The following SDCCAG8 variants were observed in gnomAD, a reference collection of about 807,000 sequenced individuals.
The protein encoded by SDCCAG8 is SHH signaling and ciliogenesis regulator SDCCAG8, also known as serologically defined colon cancer antigen 8.
A neutral mutation model predicts 101.8 loss-of-function variants in SDCCAG8; 74 were observed. That is an observed-to-expected ratio of 0.73 (90% CI 0.60 to 0.88). The LOEUF (loss-of-function observed/expected upper bound fraction) is 0.88, where lower values mean the gene tolerates loss of function less well. SDCCAG8 is among the 40% of genes least tolerant of loss of function. SDCCAG8 has a pLI of 0.00. For missense variants in SDCCAG8, 787 were observed against 822.6 expected, an observed-to-expected ratio of 0.96 and a Z score of 0.53; for synonymous variants, 281 against 292.9, an observed-to-expected ratio of 0.96 and a Z score of 0.41.
chr1:243,320,173 T>C (rs1456742543), intron 9 of SDCCAG8, among the ~76,000 whole-genome samples: 1 of 152,212 alleles, frequency 6.6e-6, no homozygotes, highest in Non-Finnish European at 1.5e-5. Context: ...CCCTAACTTT[T>C]AACCAGTCAC....
At chr1:243,367,783 G>A (rs1331676877) in intron 12 of SDCCAG8, among the ~76,000 whole-genome samples, 1 of 149,376 alleles carries the variant, frequency 6.7e-6, no homozygotes, top group Non-Finnish European at 1.5e-5. Flanking sequence ...TAAAATAGAT[G>A]TATATATCTA....
At chr1:243,371,946 G>A (rs752484879) in intron 12 of SDCCAG8, among the ~76,000 whole-genome samples, 1 of 152,016 alleles carries the variant, frequency 6.6e-6, no homozygotes. Flanking sequence ...AATTTAAATA[G>A]CCAAAGCAAG....
intron 16 of SDCCAG8, among the ~76,000 whole-genome samples, chr1:243,461,352 G>A (rs1318486376): frequency 5.3e-5 from 8 of 152,198 alleles, no homozygotes; most frequent in Admixed American, 5.2e-4. Flanking sequence ...AGTACATTGG[G>A]TCACTCTGAC....
intron 12 of SDCCAG8, among the ~76,000 whole-genome samples, chr1:243,352,186 G>T (rs2076120311): frequency 2.0e-5 from 3 of 152,086 alleles, no homozygotes. Flanking sequence ...TCTGAAAATA[G>T]CAATTTAGGT....
chr1:243,334,398 T>C (rs1354508243), intron 10 of SDCCAG8, among the ~76,000 whole-genome samples: 1 of 152,168 alleles, frequency 6.6e-6, no homozygotes, highest in African/African-American at 2.4e-5. Context: ...TCTCTTTGGC[T>C]CTCCGGTCTT....
chr1:243,478,603 A>G lies in SDCCAG8; in HGVS notation c.1986-10411A>G, dbSNP rs571903023. Among the ~76,000 whole-genome samples the G allele has an allele frequency of 1.7e-4, 26 of 152,294 alleles. No homozygotes were observed. The South Asian group carries it at 5.0e-3, about 29-fold the overall frequency. On this transcript the variant is annotated intron_variant, in intron 16 of 17. Transcript: ENST00000366541. ...CCTCCCCACTGCACGATCCTCAGGAAGAATTCCTTTATTGAAACCATTATT... is the reference window on the plus strand; with the variant it reads ...CCTCCCCACTGCACGATCCTCAGGAGGAATTCCTTTATTGAAACCATTATT...
At chr1:243,387,349 A>C (rs2078374937) in intron 13 of SDCCAG8, among the ~76,000 whole-genome samples, 1 of 152,174 alleles carries the variant, frequency 6.6e-6, no homozygotes, top group Non-Finnish European at 1.5e-5. Flanking sequence ...TATCCAGAGA[A>C]TTTAGAACTC....
chr1:243,370,018 A>G (rs1226318298), intron 12 of SDCCAG8, among the ~76,000 whole-genome samples: 1 of 152,016 alleles, frequency 6.6e-6, no homozygotes, highest in Non-Finnish European at 1.5e-5. Context: ...GGCGATATTC[A>G]CATTACCCTA....
At chr1:243,371,376 A>T (rs557697937) in intron 12 of SDCCAG8, among the ~76,000 whole-genome samples, 3 of 152,268 alleles carry the variant, frequency 2.0e-5, no homozygotes, top group Non-Finnish European at 4.4e-5. Context: ...TATGTAAGTT[A>T]CTTAACATCT....
intron 16 of SDCCAG8, among the ~76,000 whole-genome samples, chr1:243,447,200 G>A (rs1412627855): frequency 1.7e-5 from 2 of 119,716 alleles, no homozygotes; most frequent in Non-Finnish European, 3.2e-5. Context: ...AGTGAGCCGA[G>A]ATCGCGCCAC....
chr1:243,271,039 A>G lies in SDCCAG8; in HGVS notation c.282A>G (p.Ser94=). 1 of 1,612,762 alleles carries G rather than the reference A, an allele frequency of 6.2e-7. No homozygotes were observed. The highest frequency in any genetic ancestry group is 1.1e-5 in the South Asian group (1 of 91,064). ...QADKESEVSP[S]RRRKMSPLRS... ...ATAAGGAAAGTGAAGTATCTCCGTC[A>G]AGAAGAAGAAAAATGTCCCCCTTGG... The change falls in exon 3 of 18, where the codon TCA becomes TCG. Residue 94 remains serine, a synonymous_variant. Coordinates refer to ENST00000366541, the MANE Select transcript of SDCCAG8 (RefSeq NM_006642.5).
chr1:243,445,048 C>T (rs2082801474), intron 16 of SDCCAG8, among the ~76,000 whole-genome samples: 1 of 151,914 alleles, frequency 6.6e-6, no homozygotes, highest in South Asian at 2.1e-4. Context: ...AATTAAAATT[C>T]CTAAAAAAGT....
intron 16 of SDCCAG8, among the ~76,000 whole-genome samples, chr1:243,479,529 A>G (rs1409103649): frequency 1.3e-5 from 2 of 152,108 alleles, no homozygotes; most frequent in African/African-American, 4.8e-5. Context: ...CACATATTAT[A>G]CTCCTTTTGA....
At chr1:243,309,045 G>A (rs533475346) in intron 8 of SDCCAG8, among the ~76,000 whole-genome samples, 7 of 152,250 alleles carry the variant, frequency 4.6e-5, no homozygotes, top group South Asian at 4.1e-4. Flanking sequence ...AGGTCAGACC[G>A]ATTTTGCTCC....
chr1:243,496,976 G>A (rs541582484), intron 17 of SDCCAG8, among the ~76,000 whole-genome samples: 1 of 152,316 alleles, frequency 6.6e-6, no homozygotes, highest in East Asian at 1.9e-4. Context: ...TGAGCTGCAG[G>A]ACAGCCACAG....
chr1:243,433,990 T>C (rs984135853), intron 16 of SDCCAG8, among the ~76,000 whole-genome samples: 5 of 152,192 alleles, frequency 3.3e-5, no homozygotes, highest in African/African-American at 4.8e-5. Flanking sequence ...TTTTGATGAT[T>C]TGGGGAAAGG....
chr1:243,473,919 C>CGGG (rs1460893006), intron 16 of SDCCAG8, among the ~76,000 whole-genome samples: 4 of 3,438 alleles, frequency 1.2e-3, no homozygotes, highest in East Asian at 5.7e-3. Context: ...GGAGAGTTGC[C>CGGG]GGCGGGGGGG....
At chr1:243,457,828 G>A (rs1658120534) in intron 16 of SDCCAG8, among the ~76,000 whole-genome samples, 1 of 152,222 alleles carries the variant, frequency 6.6e-6, no homozygotes, top group Non-Finnish European at 1.5e-5. Flanking sequence ...GTTATCAAGG[G>A]TGGTTATTAC....
chr1:243,332,820 C>A (rs2074720986), intron 10 of SDCCAG8, among the ~76,000 whole-genome samples: 1 of 151,848 alleles, frequency 6.6e-6, no homozygotes. Context: ...TAGTCCAGGT[C>A]TGGAGGTGAT....
Sources: gnomAD v4.1 joint callset for allele counts (sites outside exome capture counted in the v4.1 genomes callset) on GRCh38, gnomAD v4.1.1 for gene constraint, MANE v1.5 for transcripts, NCBI Gene and HGNC (gene_info 2026-07-23, HGNC 2026-07-21) for gene names.